The following MTG2 variants were observed in gnomAD, a reference collection of about 807,000 sequenced individuals.
MTG2 encodes the protein mitochondrial ribosome-associated GTPase 2.
Under a neutral mutation model 28.6 loss-of-function variants are expected in MTG2, and 23 were observed. The observed-to-expected ratio is 0.80, with a 90% confidence interval of 0.58 to 1.14. MTG2 has a LOEUF of 1.14. Ranked by LOEUF, MTG2 falls within the 50% of genes most tolerant of loss-of-function variation. MTG2 has a pLI of 0.00. For synonymous variants in MTG2, 260 were observed against 251.8 expected (o/e 1.03, Z -0.31); for missense variants, 539 against 552.0 (o/e 0.98, Z 0.24).
intron 1 of MTG2, 34 bp from the exon 2 acceptor site, chr20:62,193,382 C>G (rs1475994205): frequency 1.2e-6 from 2 of 1,601,634 alleles, no homozygotes; most frequent in Non-Finnish European, 1.7e-6. Context: ...AGCATTAAAC[C>G]AAGTATCTCA....
intron 1 of MTG2, among the ~76,000 whole-genome samples, chr20:62,188,508 A>ATTTTTTTTTTTT (rs1192106476): frequency 2.2e-5 from 2 of 89,722 alleles, no homozygotes; most frequent in Non-Finnish European, 4.2e-5. Context: ...TAATCAGCTA[A>ATTTTTTTTTTTT]TTTTTTTTTT....
Position 62,198,895 on chromosome 20 carries a change from C to T in MTG2, c.687+43C>T, listed in dbSNP as rs201326063. 2.1e-4 allele frequency: 346 copies of T among 1,609,412 alleles called. No individual in the cohort carries two copies. The African/African-American group carries it at 4.3e-3, about 20-fold the overall frequency. On this transcript the variant is annotated intron_variant, in intron 5 of 6. Coordinates refer to ENST00000370823, the MANE Select transcript of MTG2 (RefSeq NM_015666.4). The stretch of plus-strand genomic sequence containing the variant: ...CAACAGCATCTGCACACACTCAGCT[C>T]TAGAAAATCCACTTTTCTCAATGGG...
At chr20:62,189,169 G>A (rs1455946090) in intron 1 of MTG2, among the ~76,000 whole-genome samples, 1 of 152,084 alleles carries the variant, frequency 6.6e-6, no homozygotes, top group South Asian at 2.1e-4. Context: ...ATTAGGCACA[G>A]TGGCACTTAC....
intron 2 of MTG2, among the ~76,000 whole-genome samples, chr20:62,194,962 C>T (rs758684155): frequency 8.5e-5 from 13 of 152,082 alleles, no homozygotes; most frequent in Non-Finnish European, 1.6e-4. Context: ...TTTGGGAGGC[C>T]GAGGCGGGTG....
chr20:62,189,823 C>G (rs982199041), intron 1 of MTG2, among the ~76,000 whole-genome samples: 2 of 152,088 alleles, frequency 1.3e-5, no homozygotes, highest in African/African-American at 4.8e-5. Flanking sequence ...CGCCACCATG[C>G]CCAGCTAATT....
At position 62,199,273 on chromosome 20, in the gene MTG2, T is replaced by G. The variant is rs889500668; in HGVS notation, c.826+16T>G. The stretch of plus-strand genomic sequence containing the variant: ...CAAATAGCAGGTAGAACTTCCAGAA[T>G]TCTCCCAAAGGTTAGATTTAAATGA... On this transcript the variant is annotated intron_variant, in intron 6 of 6. Coordinates refer to ENST00000370823, the MANE Select transcript of MTG2 (RefSeq NM_015666.4). 6.2e-7 allele frequency: 1 copy of G among 1,607,046 alleles called. No homozygotes were observed. Among genetic ancestry groups the G allele is most frequent in the South Asian group, 1.1e-5 (1 of 90,872 alleles).
intron 1 of MTG2, among the ~76,000 whole-genome samples, chr20:62,184,737 G>A (rs2057805898): frequency 6.6e-6 from 1 of 152,206 alleles, no homozygotes; most frequent in Non-Finnish European, 1.5e-5. Context: ...TGGAAAGCTG[G>A]TCTGGAAAAG....
intron 1 of MTG2, among the ~76,000 whole-genome samples, chr20:62,191,367 G>A (rs1165555274): frequency 6.6e-6 from 1 of 152,170 alleles, no homozygotes; most frequent in Non-Finnish European, 1.5e-5. Context: ...CCTGGTTCTG[G>A]AGGGGACACC....
intron 1 of MTG2, among the ~76,000 whole-genome samples, chr20:62,191,015 G>A (rs2145839157): frequency 1.3e-5 from 2 of 152,252 alleles, no homozygotes; most frequent in Middle Eastern, 3.4e-3. Flanking sequence ...ACAGCAGGTA[G>A]GGGTTGAGCA....
At chr20:62,191,888 C>T (rs555044247) in intron 1 of MTG2, among the ~76,000 whole-genome samples, 2 of 152,172 alleles carry the variant, frequency 1.3e-5, no homozygotes, top group Admixed American at 6.5e-5. Context: ...GCAAGGTAGC[C>T]GGCTGTCATG....
At chr20:62,187,020 C>T (rs535755043) in intron 1 of MTG2, among the ~76,000 whole-genome samples, 1 of 152,330 alleles carries the variant, frequency 6.6e-6, no homozygotes, top group South Asian at 2.1e-4. Context: ...GATTAGCTGT[C>T]GGCCGGCCCT....
In MTG2 at chr20:62,193,458, C is replaced by CCG; in HGVS notation, c.39_40dup (p.Val14AlafsTer17). ...AGGTGTTTCTCAGCAAGATTGAGGA[C>CCG]CGTGTTTCAGGGCGTGGGGCATTGG... On this transcript the variant is annotated frameshift_variant, in exon 2 of 7. Transcript: ENST00000370823. LOFTEE classifies it high-confidence loss of function. The CCG allele has an allele frequency of 1.2e-6, 2 of 1,614,196 alleles. No individual in the cohort carries two copies. Among genetic ancestry groups the CCG allele is most frequent in the Non-Finnish European group, 1.7e-6 (2 of 1,180,040 alleles).
Position 62,200,802 on chromosome 20 carries a change from G to C in MTG2, c.946G>C (p.Glu316Gln). The change falls in exon 7 of 7, where the codon GAG becomes CAG. Residue 316 changes from glutamate to glutamine, a missense_variant. Physicochemically the swap from Glu to Gln is conservative, Grantham distance 29. Coordinates refer to ENST00000370823, the MANE Select transcript of MTG2 (RefSeq NM_015666.4). ...LLFVVDLSQP[E>Q]PWTQVDDLKY... ...GTTCGTGGTGGATCTTTCTCAGCCT[G>C]AGCCGTGGACTCAAGTTGACGATTT... 6.2e-7 allele frequency: 1 copy of C among 1,613,912 alleles called. No homozygotes were observed. Among genetic ancestry groups the C allele is most frequent in the Non-Finnish European group, 8.5e-7 (1 of 1,180,036 alleles).
rs1038229014 is a variant in MTG2, at chr20:62,201,170, C to A, written c.*93C>A. 4 of 1,406,118 alleles carry A rather than the reference C, an allele frequency of 2.8e-6. No individual in the cohort carries two copies. The South Asian group carries it at 4.4e-5, about 16-fold the overall frequency. The allele number at this position is 1,406,118 out of a possible 1,614,324, so 87.1% of individuals were successfully genotyped here. A position where few individuals can be genotyped will look rare whatever the true frequency, so the allele number is the denominator to read the frequency against. On this transcript the variant is annotated 3_prime_UTR_variant, in exon 7 of 7. Coordinates refer to ENST00000370823, the MANE Select transcript of MTG2 (RefSeq NM_015666.4). Reference sequence around the variant, plus strand: ...GAATGCATAAAGTGCCTTGTGGACACGGGGGAGTTGTGGTGCTTCTGGGTC... The same window carrying A: ...GAATGCATAAAGTGCCTTGTGGACAAGGGGGAGTTGTGGTGCTTCTGGGTC...
chr20:62,191,992 C>T (rs1014614015), intron 1 of MTG2, among the ~76,000 whole-genome samples: 7 of 152,260 alleles, frequency 4.6e-5, no homozygotes, highest in South Asian at 4.1e-4. Context: ...CCTGTCGCTC[C>T]GGGGATATTT....
At chr20:62,195,761 T>A in intron 2 of MTG2, 41 bp from the exon 3 acceptor site, 1 of 1,612,224 alleles carries the variant, frequency 6.2e-7, no homozygotes, top group Non-Finnish European at 8.5e-7. Flanking sequence ...GAAAGGACCT[T>A]GGAGTGTTGA....
chr20:62,196,559 C>G (rs960102443), intron 3 of MTG2, among the ~76,000 whole-genome samples: 4 of 151,370 alleles, frequency 2.6e-5, no homozygotes, highest in African/African-American at 9.7e-5. Context: ...ATAGTCCCAG[C>G]TACTTGGGGC....
In MTG2 at chr20:62,196,026, T is replaced by C; in HGVS notation, c.352+77T>C. The C allele has an allele frequency of 2.6e-6, 4 of 1,549,592 alleles. No homozygotes were observed. In the East Asian group the frequency reaches 9.3e-5, roughly 36 times the overall value. ...ATGTGCATTTGAACTAAAAACCTGA[T>C]GTATGGGCAGGCACAGTGGCTTATG... On this transcript the variant is annotated intron_variant, in intron 3 of 6. Coordinates refer to ENST00000370823, the MANE Select transcript of MTG2 (RefSeq NM_015666.4).
chr20:62,185,439 TAA>T (rs1568780033), intron 1 of MTG2, among the ~76,000 whole-genome samples: 1 of 107,218 alleles, frequency 9.3e-6, no homozygotes, highest in African/African-American at 4.2e-5. Context: ...AAATAAAAAA[TAA>T]AATATATACA....
Sources: allele counts gnomAD v4.1 joint callset (sites outside exome capture counted in the v4.1 genomes callset), GRCh38; gene constraint gnomAD v4.1.1; transcripts MANE v1.5; gene names NCBI Gene and HGNC (gene_info 2026-07-23, HGNC 2026-07-21).